Variants in APC2 observed in about 807,000 individuals in gnomAD.
APC2 encodes APC regulator of Wnt signaling pathway 2.
A neutral mutation model predicts 72.5 loss-of-function variants in APC2; 41 were observed. The observed-to-expected ratio is 0.57, with a 90% CI of 0.44 to 0.73. The LOEUF (loss-of-function observed/expected upper bound fraction) is 0.73. APC2 is among the 30% of genes least tolerant of loss of function. The pLI, the probability that APC2 is intolerant of heterozygous loss-of-function variation, is 0.00. For synonymous variants in APC2, 1,898 were observed against 1,612.0 expected (o/e 1.18, Z -4.25); for missense variants, 3,729 against 3,403.4 (o/e 1.10, Z -2.38).
chr19:1,467,593 G>A lies in APC2; in HGVS notation c.4292G>A (p.Arg1431His), dbSNP rs1475513530. Reference protein sequence around the residue: ...GPAGRQRPTGRPTSARQAMGH... With the variant: ...GPAGRQRPTGHPTSARQAMGH... The stretch of plus-strand genomic sequence containing the variant: ...GCGGGCAGGCAAAGACCCACCGGCC[G>A]CCCCACCTCTGCCAGACAGGCCATG... Residue 1431 changes from arginine (R) to histidine (H), a missense_variant, in exon 15 of 15, where the codon CGC (arginine) becomes CAC (histidine). Arg to His is a conservative substitution (Grantham distance 29). Coordinates refer to ENST00000590469, the MANE Select transcript of APC2 (RefSeq NM_005883.3). The A allele has an allele frequency of 3.3e-6, 5 of 1,511,882 alleles. No individual in the cohort carries two copies. Among genetic ancestry groups the A allele is most frequent in the Admixed American group, 2.0e-5 (1 of 48,890 alleles). The allele number at this position is 1,511,882 out of a possible 1,614,324, so 93.7% of individuals were successfully genotyped here.
At chr19:1,460,571 G>T (rs938393962) in intron 11 of APC2, among the ~76,000 whole-genome samples, 4 of 152,246 alleles carry the variant, frequency 2.6e-5, no homozygotes, top group Non-Finnish European at 5.9e-5. Context: ...CCTCATTGTA[G>T]AGGGGGCCTC....
At chr19:1,455,952 C>CCGGGGCGAAG in intron 6 of APC2, 124 bp from the exon 7 acceptor site, 2 of 1,029,286 alleles carry the variant, frequency 1.9e-6, no homozygotes, top group Admixed American at 4.7e-5. Flanking sequence ...GGGTCAGGGC[C>CCGGGGCGAAG]TGGGGCGGGG....
In APC2 at chr19:1,458,039, C is replaced by G; in HGVS notation, c.1282C>G (p.Arg428Gly). Residue 428 changes from arginine to glycine, a missense_variant, in exon 10 of 15, where the codon CGC becomes GGC. Coordinates refer to ENST00000590469, the MANE Select transcript of APC2 (RefSeq NM_005883.3). ...GAAGCTGTCCTTTGATGAGGAGTAC[C>G]GCCGTGCCATGAACGAGCTAGGTGA... is the stretch of plus-strand genomic sequence containing the variant. ...VMKLSFDEEY[R>G]RAMNELGGLQ... 6.4e-7 allele frequency: 1 copy of G among 1,564,810 alleles called. No homozygotes were observed. Among genetic ancestry groups the G allele is most frequent in the South Asian group, 1.2e-5 (1 of 85,084 alleles).
rs766738230 is a variant in APC2, at chr19:1,462,155, G to A, written c.1831G>A (p.Val611Ile). 10 of 1,604,948 alleles carry A rather than the reference G, an allele frequency of 6.2e-6. No individual in the cohort carries two copies. Among genetic ancestry groups the A allele is most frequent in the Admixed American group, 1.7e-5 (1 of 59,570 alleles). The part of the protein sequence containing the change: ...GGILRNVSSL[V>I]ATREDYRQVL... ...CATCCTCCGCAATGTGTCCAGCCTC[G>A]TCGCCACCCGTGAGGACTACAGGTC... Residue 611 changes from valine to isoleucine, a missense_variant, in exon 14 of 15, where the codon GTC becomes ATC. Coordinates refer to ENST00000590469, the MANE Select transcript of APC2 (RefSeq NM_005883.3).
At chr19:1,461,013 A>C in intron 12 of APC2, 24 bp from the exon 13 acceptor site, 1 of 1,612,702 alleles carries the variant, frequency 6.2e-7, no homozygotes, top group Non-Finnish European at 8.5e-7. Context: ...TAGTCCCACC[A>C]CACTTGCCCC....
At chr19:1,446,429 C>T, upstream of APC2, 1 of 940,812 alleles carries the variant, frequency 1.1e-6, no homozygotes, top group Non-Finnish European at 1.3e-6. This position sits in a 1 kb window ranked among gnomAD's most constrained non-coding sequence, Gnocchi z 6.1. Context: ...GCGGGCGCGG[C>T]GGCGGGGGGC....
At chr19:1,455,533 G>T (rs774869820) in intron 6 of APC2, 33 bp downstream of exon 6, 2 of 1,569,108 alleles carry the variant, frequency 1.3e-6, no homozygotes, top group Non-Finnish European at 1.7e-6. Flanking sequence ...GCGGCGGTAG[G>T]CGGGGCCCTG....
chr19:1,450,021 C>G, upstream of APC2: 2 of 708,908 alleles, frequency 2.8e-6, no homozygotes, highest in Non-Finnish European at 3.5e-6. Flanking sequence ...CCGGTCCCCG[C>G]CCCGGGCCGC....
intron 13 of APC2, 68 bp downstream of exon 13, chr19:1,461,221 C>T (rs957718871): frequency 9.6e-6 from 13 of 1,350,318 alleles, no homozygotes; most frequent in Admixed American, 3.4e-5. Context: ...CGGCAGCGGG[C>T]GAGCTCTCCG....
rs1599155437 is a variant in APC2, at chr19:1,466,075, A to C, written c.2774A>C (p.Asp925Ala). The change falls in exon 15 of 15, where the codon GAC becomes GCC. Residue 925 changes from aspartate (D) to alanine (A), a missense_variant. By Grantham distance (126) the Asp-to-Ala change is moderately radical. Transcript: ENST00000590469. Reference protein sequence around the residue: ...LKAAHASLSNDSLNSGSASDG... With the variant: ...LKAAHASLSNASLNSGSASDG... ...GCGGCCCACGCCAGCCTCTCCAACG[A>C]CAGCCTCAACAGCGGCAGTGCCAGC... The C allele has an allele frequency of 6.6e-7, 1 of 1,522,654 alleles. No individual in the cohort carries two copies. The highest frequency in any genetic ancestry group is 1.4e-5 in the African/African-American group (1 of 69,614). 94.3% of individuals were successfully genotyped at this position (1,522,654 alleles called of 1,614,324 possible). A position where few individuals can be genotyped will look rare whatever the true frequency, so the allele number is the denominator to read the frequency against.
chr19:1,468,947 C>T lies in APC2; in HGVS notation c.5646C>T (p.Ala1882=). Residue 1882 remains alanine, a synonymous_variant, in exon 15 of 15, where the codon GCC becomes GCT. Coordinates refer to ENST00000590469, the MANE Select transcript of APC2 (RefSeq NM_005883.3). ...PSSSSSQTSP[A]SQPLPRKRPP... Reference sequence around the variant, plus strand: ...CCAGCTCCTCCCAGACCTCGCCCGCCTCCCAGCCCCTGCCCAGAAAGCGCC... The same window carrying T: ...CCAGCTCCTCCCAGACCTCGCCCGCTTCCCAGCCCCTGCCCAGAAAGCGCC... The T allele has an allele frequency of 1.3e-6, 2 of 1,546,248 alleles. No individual in the cohort carries two copies. Among genetic ancestry groups the T allele is most frequent in the South Asian group, 1.2e-5 (1 of 83,964 alleles).
Position 1,460,943 on chromosome 19 carries a change from G to A in APC2, c.1521+86G>A, listed in dbSNP as rs995793892. 3.0e-5 allele frequency: 48 copies of A among 1,593,338 alleles called. No individual in the cohort carries two copies. In the Admixed American group the frequency reaches 8.0e-4, roughly 27 times the overall value. On this transcript the variant is annotated intron_variant, in intron 12 of 14. Transcript: ENST00000590469. Reference sequence around the variant, plus strand: ...CCAGCGGTGTGGTGGGCTGGCAGGGGTGTCCCGTCCGACTCTCTGCAGACT... The same window carrying A: ...CCAGCGGTGTGGTGGGCTGGCAGGGATGTCCCGTCCGACTCTCTGCAGACT...
chr19:1,456,205 A>G, intron 7 of APC2, 52 bp downstream of exon 7: 1 of 1,552,484 alleles, frequency 6.4e-7, no homozygotes, highest in Non-Finnish European at 8.7e-7. Flanking sequence ...CCCAGGCAGA[A>G]CGGGGCTCCT....
rs767532662 is a variant in APC2 at position 1,468,127 on chromosome 19, A to T, written c.4826A>T (p.Asp1609Val). 6.0e-6 allele frequency: 9 copies of T among 1,505,860 alleles called. No homozygotes were observed. Among genetic ancestry groups the T allele is most frequent in the Non-Finnish European group, 6.2e-6 (7 of 1,134,622 alleles). 93.3% of individuals were successfully genotyped at this position (1,505,860 alleles called of 1,614,324 possible). A position where few individuals can be genotyped will look rare whatever the true frequency, so the allele number is the denominator to read the frequency against. Reference sequence around the variant, plus strand: ...GGCCGGGAGCCCGCGGTCACCAAGGACCCGGGCCCAGGAGGCGGACGCGAC... The same window carrying T: ...GGCCGGGAGCCCGCGGTCACCAAGGTCCCGGGCCCAGGAGGCGGACGCGAC... ...PRGREPAVTK[D>V]PGPGGGRDSS... is the part of the protein sequence containing the mutation. The change falls in exon 15 of 15, where the codon GAC becomes GTC. Residue 1609 changes from aspartate (D) to valine (V), a missense_variant. Coordinates refer to ENST00000590469, the MANE Select transcript of APC2 (RefSeq NM_005883.3).
intron 10 of APC2, 123 bp from the exon 11 acceptor site, chr19:1,460,058 G>A: frequency 7.4e-7 from 1 of 1,351,646 alleles, no homozygotes; most frequent in East Asian, 2.5e-5. Flanking sequence ...CTTGGGCCTG[G>A]AAGGGGAACT....
In APC2 at chr19:1,466,862, G is replaced by A; in HGVS notation, c.3561G>A (p.Gly1187=). The stretch of plus-strand genomic sequence containing the variant: ...CCATCCCCAGTGAACCTTGCAGCGG[G>A]CAGGGCAGCGGCACCATCAGCCCTA... The part of the protein sequence containing the change: ...ASSIPSEPCS[G]QGSGTISPSE... Residue 1187 remains glycine, a synonymous_variant, in exon 15 of 15, where the codon GGG becomes GGA. Coordinates refer to ENST00000590469, the MANE Select transcript of APC2 (RefSeq NM_005883.3). 1 of 1,562,098 alleles carries A rather than the reference G, an allele frequency of 6.4e-7. No homozygotes were observed. Among genetic ancestry groups the A allele is most frequent in the Non-Finnish European group, 8.7e-7 (1 of 1,154,580 alleles).
chr19:1,454,904 T>G (rs1412290439), intron 4 of APC2, among the ~76,000 whole-genome samples: 1 of 152,076 alleles, frequency 6.6e-6, no homozygotes, highest in Non-Finnish European at 1.5e-5. Context: ...TTTTTCCTTT[T>G]TAGAGAGGGG....
Position 1,468,297 on chromosome 19 carries a change from C to G in APC2, c.4996C>G (p.Arg1666Gly). 1.3e-6 allele frequency: 2 copies of G among 1,541,656 alleles called. No homozygotes were observed. The highest frequency in any genetic ancestry group is 8.7e-7 in the Non-Finnish European group (1 of 1,144,508). Reference sequence around the variant, plus strand: ...GGATGAGCGGCCCGCAGAGGGGTCCCGGGAACGCGGCGAGGAGGCAGCGGG... The same window carrying G: ...GGATGAGCGGCCCGCAGAGGGGTCCGGGGAACGCGGCGAGGAGGCAGCGGG... ...RLDERPAEGSRERGEEAAGSD... is the reference protein window; with the variant it reads ...RLDERPAEGSGERGEEAAGSD... The change falls in exon 15 of 15, where the codon CGG becomes GGG. Residue 1666 changes from arginine to glycine, a missense_variant. Coordinates refer to ENST00000590469, the MANE Select transcript of APC2 (RefSeq NM_005883.3).
chr19:1,449,930 C>A (rs2083722219), upstream of APC2, among the ~76,000 whole-genome samples: 1 of 152,258 alleles, frequency 6.6e-6, no homozygotes, highest in Non-Finnish European at 1.5e-5. Context: ...CCTCGGGGCA[C>A]CCCCTTCCCT....
Sources: allele counts gnomAD v4.1 joint callset (sites outside exome capture counted in the v4.1 genomes callset), GRCh38; gene constraint gnomAD v4.1.1; non-coding constraint Gnocchi (gnomAD v3.1); transcripts MANE v1.5; gene names NCBI Gene and HGNC (gene_info 2026-07-23, HGNC 2026-07-21).